Variants in FUT8 observed in about 807,000 individuals in gnomAD.
FUT8 encodes alpha-(1,6)-fucosyltransferase.
Under a neutral mutation model 71.3 loss-of-function variants are expected in FUT8, and 29 were observed. The ratio of observed to expected loss-of-function variants is 0.41; its 90% CI spans 0.30 to 0.55. FUT8 has a LOEUF of 0.55. Ranked by LOEUF, FUT8 falls within the 20% of genes least tolerant of loss-of-function variation. The probability of loss-of-function intolerance (pLI) is 0.34; values close to 1 mark genes in which losing one functional copy is unlikely to be tolerated. For synonymous variants in FUT8, 254 were observed against 239.3 expected, an observed-to-expected ratio of 1.06 and a Z score of -0.57; for missense variants, 544 against 702.1, an observed-to-expected ratio of 0.77 and a Z score of 2.55.
intron 2 of FUT8, among the ~76,000 whole-genome samples, chr14:65,509,138 G>C (rs942570509): frequency 6.6e-6 from 1 of 152,042 alleles, no homozygotes; most frequent in Non-Finnish European, 1.5e-5. Context: ...TCATTCTTCT[G>C]CATATATATA....
chr14:65,717,371 G>GAT (rs1771681231), intron 7 of FUT8, among the ~76,000 whole-genome samples: 2 of 143,896 alleles, frequency 1.4e-5, no homozygotes, highest in African/African-American at 5.3e-5. Flanking sequence ...CTTCCCAGAC[G>GAT]GGGCGGCCAG....
At chr14:65,738,873 T>C (rs535193962) in intron 10 of FUT8, among the ~76,000 whole-genome samples, 2 of 152,206 alleles carry the variant, frequency 1.3e-5, no homozygotes, top group East Asian at 3.9e-4. Context: ...TGTGTCTCCA[T>C]TACTGGGCTG....
chr14:65,715,302 A>G (rs73270603), intron 7 of FUT8, among the ~76,000 whole-genome samples: 12,779 of 152,230 alleles, frequency 0.084, 849 homozygotes, highest in African/African-American at 0.18. Context: ...CTTGAATTTT[A>G]TCACATGCTT....
chr14:65,700,790 T>C (rs528669762), intron 7 of FUT8, among the ~76,000 whole-genome samples: 246 of 152,330 alleles, frequency 1.6e-3, no homozygotes, highest in Admixed American at 2.9e-3. Flanking sequence ...TTTTGTAAGC[T>C]TTGAACATAC....
chr14:65,514,071 G>T (rs1012887646), intron 2 of FUT8, among the ~76,000 whole-genome samples: 7 of 152,216 alleles, frequency 4.6e-5, no homozygotes. Flanking sequence ...CTATAAGCTG[G>T]CTAAAACTGG....
At chr14:65,493,928 G>A (rs2066520749) in intron 2 of FUT8, among the ~76,000 whole-genome samples, 1 of 152,060 alleles carries the variant, frequency 6.6e-6, no homozygotes, top group Non-Finnish European at 1.5e-5. Context: ...GAAGAGATAA[G>A]GAAAGGAAGG....
chr14:65,634,504 A>G (rs765977503), intron 6 of FUT8, among the ~76,000 whole-genome samples: 11 of 146,784 alleles, frequency 7.5e-5, no homozygotes, highest in Non-Finnish European at 1.3e-4. Context: ...TCCCTCCACT[A>G]TTGTCCTATG....
intron 2 of FUT8, among the ~76,000 whole-genome samples, chr14:65,552,113 G>A (rs1461939676): frequency 6.6e-6 from 1 of 152,114 alleles, no homozygotes; most frequent in Admixed American, 6.5e-5. Flanking sequence ...AGGTGGCAGT[G>A]TTCAATTTTA....
intron 2 of FUT8, among the ~76,000 whole-genome samples, chr14:65,524,457 G>T (rs77050421): frequency 2.0e-5 from 3 of 152,054 alleles, no homozygotes; most frequent in African/African-American, 7.2e-5. Context: ...TGCTTATCAG[G>T]TTAAGGAGAT....
chr14:65,515,921 C>T (rs1882679474), intron 2 of FUT8, among the ~76,000 whole-genome samples: 1 of 152,118 alleles, frequency 6.6e-6, no homozygotes. Flanking sequence ...TGTGTATATT[C>T]AGATAAATAT....
At chr14:65,612,578 A>G (rs540741044) in intron 3 of FUT8, among the ~76,000 whole-genome samples, 2 of 152,284 alleles carry the variant, frequency 1.3e-5, no homozygotes, top group African/African-American at 4.8e-5. Flanking sequence ...TCTGTCCTCT[A>G]CAGTTCTCTC....
intron 7 of FUT8, among the ~76,000 whole-genome samples, chr14:65,713,872 G>C (rs1294107465): frequency 6.6e-6 from 1 of 151,976 alleles, no homozygotes; most frequent in African/African-American, 2.4e-5. Context: ...GTGCAGACTT[G>C]AGTCGGTCCC....
intron 5 of FUT8, among the ~76,000 whole-genome samples, chr14:65,619,991 A>G (rs1889516478): frequency 6.6e-6 from 1 of 152,182 alleles, no homozygotes; most frequent in Admixed American, 6.5e-5. Flanking sequence ...CTCTAAGCAT[A>G]TCATGGAGTC....
chr14:65,623,868 G>T (rs1195358468), intron 5 of FUT8, among the ~76,000 whole-genome samples: 1 of 152,090 alleles, frequency 6.6e-6, no homozygotes, highest in Non-Finnish European at 1.5e-5. Flanking sequence ...TAGGTCTTTA[G>T]TATGCCCACT....
At position 65,525,906 on chromosome 14, in the gene FUT8, A is replaced by G. The variant is rs200972301; in HGVS notation, c.-227-35431A>G. On this transcript the variant is annotated intron_variant, in intron 2 of 10. Transcript: ENST00000673929. ...CTTCTTAATCCTGAGTTCTAGTTTG[A>G]TTGCACTGTGGTCTGAGAGACAGTT... Among the ~76,000 whole-genome samples the G allele has an allele frequency of 8.5e-5, 13 of 152,282 alleles. No individual in the cohort carries two copies. The East Asian group carries it at 2.5e-3, about 29-fold the overall frequency.
chr14:65,525,112 T>C (rs1026252539), intron 2 of FUT8, among the ~76,000 whole-genome samples: 6 of 152,202 alleles, frequency 3.9e-5, no homozygotes, highest in African/African-American at 7.2e-5. Flanking sequence ...CTTTTTCTAT[T>C]GATGGGAATA....
chr14:65,389,192 A>G, the FUT8 span, among the ~76,000 whole-genome samples: 17 of 149,986 alleles, frequency 1.1e-4, no homozygotes, highest in African/African-American at 3.9e-4. Flanking sequence ...TAAAAAAATT[A>G]TTTTTTATTT....
chr14:65,605,708 A>G (rs1368306836), intron 3 of FUT8, among the ~76,000 whole-genome samples: 1 of 152,018 alleles, frequency 6.6e-6, no homozygotes, highest in Non-Finnish European at 1.5e-5. Context: ...CTGTTATGGC[A>G]GCCCTTAAAA....
rs1431777363 is a variant in FUT8 at position 65,561,851 on chromosome 14, G to A, written c.203+85G>A. Reference sequence around the variant, plus strand: ...GGGCTTCATTCCGCTAGGAAAAATAGTTAATTATTTTTATAACCTGCTGTC... The same window carrying A: ...GGGCTTCATTCCGCTAGGAAAAATAATTAATTATTTTTATAACCTGCTGTC... On this transcript the variant is annotated intron_variant, in intron 3 of 10. Transcript: ENST00000673929. 8 of 1,093,058 alleles carry A rather than the reference G, an allele frequency of 7.3e-6. No homozygotes were observed. The African/African-American group carries it at 9.5e-5, about 13-fold the overall frequency. 67.7% of individuals were successfully genotyped at this position (1,093,058 alleles called of 1,614,324 possible). A position where few individuals can be genotyped will look rare whatever the true frequency, so the allele number is the denominator to read the frequency against.
Sources: gnomAD v4.1 joint callset for allele counts (sites outside exome capture counted in the v4.1 genomes callset) on GRCh38, gnomAD v4.1.1 for gene constraint, MANE v1.5 for transcripts, NCBI Gene and HGNC (gene_info 2026-07-23, HGNC 2026-07-21) for gene names.